The following ELAVL2 variants were observed in gnomAD, a reference collection of about 807,000 sequenced individuals.
ELAVL2 encodes the protein ELAV like RNA binding protein 2.
A neutral mutation model predicts 34.6 loss-of-function variants in ELAVL2; 4 were observed. That is an observed-to-expected ratio of 0.12 (90% confidence interval 0.06 to 0.26). The LOEUF (loss-of-function observed/expected upper bound fraction) is 0.26. ELAVL2 is among the 10% of genes least tolerant of loss of function. The pLI, the probability that ELAVL2 is intolerant of heterozygous loss-of-function variation, is 1.00. For synonymous variants in ELAVL2, 193 were observed against 154.8 expected, an observed-to-expected ratio of 1.25 and a Z score of -1.83; for missense variants, 432 against 442.8, an observed-to-expected ratio of 0.98 and a Z score of 0.22.
At chr9:23,765,211 G>A in intron 1 of ELAVL2, 1 of 923,416 alleles carries the variant, frequency 1.1e-6, no homozygotes, top group Non-Finnish European at 1.6e-6. Flanking sequence ...CGTCCATGCA[G>A]TGTGGCTTAA....
chr9:23,790,581 T>C lies in ELAVL2; in HGVS notation c.-15-28332A>G, dbSNP rs548540672. On this transcript the variant is annotated intron_variant, in intron 1 of 6. Coordinates refer to ENST00000397312, the MANE Select transcript of ELAVL2 (RefSeq NM_004432.5). Reference sequence around the variant, plus strand: ...ACGTAAAGAAAGCTAAAAGGCTCACTGCAGTCCCTCAAGAAAAAGTTAAAG... The same window carrying C: ...ACGTAAAGAAAGCTAAAAGGCTCACCGCAGTCCCTCAAGAAAAAGTTAAAG... Among the ~76,000 whole-genome samples the C allele has an allele frequency of 2.2e-4, 33 of 152,318 alleles. No homozygotes were observed. The South Asian group carries it at 6.4e-3, about 30-fold the overall frequency.
At chr9:23,738,157 G>A (rs1178082772) in intron 2 of ELAVL2, among the ~76,000 whole-genome samples, 1 of 152,140 alleles carries the variant, frequency 6.6e-6, no homozygotes, top group East Asian at 1.9e-4. Context: ...AAAGCAACTC[G>A]CACCAGACTT....
At chr9:23,715,866 G>C (rs2042160723) in intron 3 of ELAVL2, among the ~76,000 whole-genome samples, 1 of 151,986 alleles carries the variant, frequency 6.6e-6, no homozygotes, top group African/African-American at 2.4e-5. Flanking sequence ...AAAACAACCA[G>C]TACCGGTTGG....
intron 3 of ELAVL2, among the ~76,000 whole-genome samples, chr9:23,711,653 G>C (rs2040993865): frequency 6.6e-6 from 1 of 152,150 alleles, no homozygotes; most frequent in Non-Finnish European, 1.5e-5. Flanking sequence ...CTCCACTACA[G>C]TCTGAGTTGG....
chr9:23,723,194 GGATTAAGAAAATGT>G (rs1464562910), intron 3 of ELAVL2, among the ~76,000 whole-genome samples: 2 of 152,048 alleles, frequency 1.3e-5, no homozygotes, highest in Admixed American at 6.6e-5. Context: ...ATGATAGACT[GGATTAAGAAAATGT>G]GGCACATATA....
At chr9:23,728,443 C>T (rs990772308) in intron 3 of ELAVL2, among the ~76,000 whole-genome samples, 1 of 152,076 alleles carries the variant, frequency 6.6e-6, no homozygotes, top group Non-Finnish European at 1.5e-5. Context: ...AAGAGCCAGT[C>T]TGAGAACAGT....
intron 2 of ELAVL2, among the ~76,000 whole-genome samples, chr9:23,739,792 C>T (rs1262658336): frequency 6.6e-6 from 1 of 151,934 alleles, no homozygotes; most frequent in Non-Finnish European, 1.5e-5. Flanking sequence ...CCTGCACACA[C>T]ACACGCACAC....
At chr9:23,785,368 C>T (rs549210431) in intron 1 of ELAVL2, among the ~76,000 whole-genome samples, 100 of 152,298 alleles carry the variant, frequency 6.6e-4, no homozygotes, top group African/African-American at 2.4e-3. Flanking sequence ...AGAGCCCACA[C>T]ATAGACCAAA....
intron 1 of ELAVL2, among the ~76,000 whole-genome samples, chr9:23,786,781 C>CAAAAAAAAAAAAAAAAAA (rs57292061): frequency 4.3e-4 from 46 of 108,120 alleles, no homozygotes; most frequent in Non-Finnish European, 6.3e-4. Context: ...ATTTTAGTGG[C>CAAAAAAAAAAAAAAAAAA]AAAAAAAAAA....
chr9:23,753,622 TTAAC>T (rs1157467247), intron 2 of ELAVL2, among the ~76,000 whole-genome samples: 1 of 152,052 alleles, frequency 6.6e-6, no homozygotes, highest in African/African-American at 2.4e-5. Flanking sequence ...ATATCACAAT[TTAAC>T]TGTTTTTTAT....
intron 1 of ELAVL2, among the ~76,000 whole-genome samples, chr9:23,767,851 G>A (rs953930268): frequency 1.3e-5 from 2 of 152,056 alleles, no homozygotes; most frequent in East Asian, 1.9e-4. Flanking sequence ...TTGCGAGGAG[G>A]GAAAAAGGTT....
chr9:23,693,007 T>C, intron 6 of ELAVL2, 123 bp from the exon 7 acceptor site: 1 of 855,658 alleles, frequency 1.2e-6, no homozygotes, highest in Non-Finnish European at 1.8e-6. Context: ...CCCCAACAAA[T>C]ATATAAACTA....
At chr9:23,701,841 T>C (rs1233364017) in intron 4 of ELAVL2, among the ~76,000 whole-genome samples, 1 of 152,182 alleles carries the variant, frequency 6.6e-6, no homozygotes, top group Non-Finnish European at 1.5e-5. Context: ...GAGTACCCAT[T>C]ATCACATGCA....
chr9:23,825,024 G>T (rs556953756), intron 1 of ELAVL2, among the ~76,000 whole-genome samples: 1 of 152,246 alleles, frequency 6.6e-6, no homozygotes, highest in Non-Finnish European at 1.5e-5. Flanking sequence ...CCAAGCAGCC[G>T]GCACTTCATA....
chr9:23,789,419 C>T (rs1461515132), intron 1 of ELAVL2, among the ~76,000 whole-genome samples: 2 of 152,174 alleles, frequency 1.3e-5, no homozygotes, highest in Non-Finnish European at 2.9e-5. Context: ...TATTAAAATG[C>T]ATATGTGTCC....
At chr9:23,753,856 AT>A (rs1275295795) in intron 2 of ELAVL2, among the ~76,000 whole-genome samples, 1 of 152,164 alleles carries the variant, frequency 6.6e-6, no homozygotes, top group Admixed American at 6.5e-5. Flanking sequence ...TTACAAGAGA[AT>A]TTCAACTGTA....
intron 1 of ELAVL2, among the ~76,000 whole-genome samples, chr9:23,788,222 T>C (rs2059927417): frequency 6.6e-6 from 1 of 152,092 alleles, no homozygotes; most frequent in Admixed American, 6.5e-5. Flanking sequence ...TGAGTGACAA[T>C]AAACAGAGCT....
chr9:23,804,087 T>C (rs2061905196), intron 1 of ELAVL2, among the ~76,000 whole-genome samples: 1 of 152,200 alleles, frequency 6.6e-6, no homozygotes, highest in Non-Finnish European at 1.5e-5. Context: ...AATTCTATTA[T>C]AATAATTTGT....
rs531524969 is a variant in ELAVL2 at position 23,760,901 on chromosome 9, G to A, written c.229+1105C>T. 5.3e-5 allele frequency among the ~76,000 whole-genome samples: 8 copies of A among 152,096 alleles called. No homozygotes were observed. The South Asian group carries it at 1.0e-3, about 20-fold the overall frequency. On this transcript the variant is annotated intron_variant, in intron 2 of 6. Transcript: ENST00000397312. The stretch of plus-strand genomic sequence containing the variant: ...CTCACTTGCAGATCTTGGAGAGAAT[G>A]AGCCCTAACGATTAACGGAATAGCT...
Sources: gnomAD v4.1 joint callset for allele counts (sites outside exome capture counted in the v4.1 genomes callset) on GRCh38, gnomAD v4.1.1 for gene constraint, MANE v1.5 for transcripts, NCBI Gene and HGNC (gene_info 2026-07-23, HGNC 2026-07-21) for gene names.